The following MSH6 variants were observed in gnomAD, a reference collection of about 807,000 sequenced individuals.
The protein encoded by MSH6 is DNA mismatch repair protein Msh6.
A neutral mutation model predicts 119.1 loss-of-function variants in MSH6; 85 were observed. The ratio of observed to expected loss-of-function variants is 0.71; its 90% CI spans 0.60 to 0.85. MSH6 has a LOEUF of 0.85. MSH6 is among the 40% of genes least tolerant of loss of function. The pLI, the probability that MSH6 is intolerant of heterozygous loss-of-function variation, is 0.00. For missense variants in MSH6, 2,163 were observed against 1,655.3 expected, an observed-to-expected ratio of 1.31 and a Z score of -5.32; for synonymous variants, 830 against 586.9, an observed-to-expected ratio of 1.41 and a Z score of -5.99.
chr2:47,789,800 C>G (rs1668619185), intron 1 of MSH6, among the ~76,000 whole-genome samples: 1 of 152,004 alleles, frequency 6.6e-6, no homozygotes, highest in Admixed American at 6.6e-5. Context: ...ATTAGTTGTT[C>G]AGCTGTATTT....
chr2:47,806,493 G>T lies in MSH6; in HGVS notation c.3843G>T (p.Glu1281Asp), dbSNP rs864622384. 3 of 1,613,910 alleles carry T rather than the reference G, an allele frequency of 1.9e-6. No individual in the cohort carries two copies. In the African/African-American group the frequency reaches 4.0e-5, roughly 22 times the overall value. ...VENECEDPSQ[E>D]TITFLYKFIK... Reference sequence around the variant, plus strand: ...ATGAATGTGAAGACCCCAGCCAGGAGACTATTACGTTCCTCTATAAATTCA... The same window carrying T: ...ATGAATGTGAAGACCCCAGCCAGGATACTATTACGTTCCTCTATAAATTCA... Residue 1281 changes from glutamate (E) to aspartate (D), a missense_variant, in exon 9 of 10, where the codon GAG (glutamate) becomes GAT (aspartate). Transcript: ENST00000234420.
In MSH6 at chr2:47,793,318, CAAAAAAAAAAAAAAA is replaced by C. The variant is rs34250836; in HGVS notation, c.457+2210_457+2224del. 6.1e-3 allele frequency among the ~76,000 whole-genome samples: 297 copies of C among 48,836 alleles called. 2 individuals are homozygous for C. Among genetic ancestry groups the C allele is most frequent in the South Asian group, 0.025 (22 of 874 alleles). The allele number at this position is 48,836 out of a possible 152,430, so 32.0% of individuals were successfully genotyped here. ...CCTGGGTGACAGAGCGAGACTGTCTCAAAAAAAAAAAAAAAAAAAAAAAAAAAAAGGCTGGGCACG... is the reference window on the plus strand; with the variant it reads ...CCTGGGTGACAGAGCGAGACTGTCTCAAAAAAAAAAAAAAGGCTGGGCACG... On this transcript the variant is annotated intron_variant, in intron 2 of 9. Transcript: ENST00000234420.
intron 3 of MSH6, chr2:47,797,742 CA>C (rs1425297747): frequency 6.2e-6 from 1 of 161,236 alleles, no homozygotes; most frequent in Non-Finnish European, 1.4e-5. Context: ...GTGCTCGGTG[CA>C]GCACTTTGTG....
chr2:47,783,807 A>C, intron 1 of MSH6: 9 of 479,166 alleles, frequency 1.9e-5, no homozygotes, highest in Non-Finnish European at 2.4e-5. Context: ...GGAAGGGGCG[A>C]CGCGCGCAGC....
intron 1 of MSH6, among the ~76,000 whole-genome samples, chr2:47,786,915 T>C (rs746116854): frequency 1.5e-4 from 23 of 152,282 alleles, no homozygotes; most frequent in Non-Finnish European, 3.1e-4. Context: ...GGATTACAAG[T>C]GTGAGCCACC....
intron 6 of MSH6, 115 bp downstream of exon 6, chr2:47,805,142 T>A (rs1669896731): frequency 3.9e-6 from 3 of 770,780 alleles, no homozygotes; most frequent in Non-Finnish European, 6.8e-6. Context: ...CTGGTGTTAC[T>A]TTAAAAACAT....
chr2:47,806,122 T>G, intron 7 of MSH6, 82 bp from the exon 8 acceptor site: 1 of 1,382,384 alleles, frequency 7.2e-7, no homozygotes, highest in African/African-American at 1.4e-5. Flanking sequence ...ATGTTGCTTT[T>G]CTGTCCTAGC....
At chr2:47,792,549 C>A (rs1409531261) in intron 2 of MSH6, among the ~76,000 whole-genome samples, 1 of 152,038 alleles carries the variant, frequency 6.6e-6, no homozygotes, top group Non-Finnish European at 1.5e-5. Context: ...ACAGTTTTGC[C>A]ATGTTGCCCA....
Position 47,803,483 on chromosome 2 carries a change from TTC to T in MSH6, c.3238_3239del (p.Leu1080ValfsTer12), listed in dbSNP as rs863225406. On this transcript the variant is annotated frameshift_variant, in exon 5 of 10. Coordinates refer to ENST00000234420, the MANE Select transcript of MSH6 (RefSeq NM_000179.3). LOFTEE classifies it high-confidence loss of function. ...GATGGTCCTATGTGTCGCCCAGTAA[TTC>T]TGTTGCCGGAAGATACCCCCCCCTT... The T allele has an allele frequency of 2.5e-6, 4 of 1,614,166 alleles. No individual in the cohort carries two copies. The highest frequency in any genetic ancestry group is 3.4e-6 in the Non-Finnish European group (4 of 1,180,040).
At chr2:47,791,504 A>G (rs866011682) in intron 2 of MSH6, among the ~76,000 whole-genome samples, 6 of 152,082 alleles carry the variant, frequency 3.9e-5, no homozygotes, top group Non-Finnish European at 5.9e-5. Context: ...CTGGCCTTCA[A>G]ACTACTCACT....
intron 2 of MSH6, among the ~76,000 whole-genome samples, chr2:47,795,600 G>A (rs1669032249): frequency 6.6e-6 from 1 of 151,558 alleles, no homozygotes; most frequent in East Asian, 1.9e-4. Flanking sequence ...CAAGTAGCTG[G>A]GACTACAGGC....
chr2:47,805,177 CTCTCTCTT>C, intron 6 of MSH6, 150 bp downstream of exon 6: 1 of 629,340 alleles, frequency 1.6e-6, no homozygotes, highest in South Asian at 1.9e-5. Flanking sequence ...TGCATAGTCT[CTCTCTCTT>C]TTTTTTTTTT....
rs3136237 is a variant in MSH6 at position 47,783,952 on chromosome 2, G to C, written c.260+459G>C. 0.27 allele frequency: 278,043 copies of C among 1,027,922 alleles called. 40,626 individuals carry two copies. Among genetic ancestry groups the C allele is most frequent in the Non-Finnish European group, 0.3 (253,925 of 854,640 alleles). The allele number at this position is 1,027,922 out of a possible 1,614,324, so 63.7% of individuals were successfully genotyped here. ...GGAATGCCTGCGGGAGGCCGAACGG[G>C]GAGAGTCCGGTGGTGTGGGGTGCGA... On this transcript the variant is annotated intron_variant, in intron 1 of 9. Coordinates refer to ENST00000234420, the MANE Select transcript of MSH6 (RefSeq NM_000179.3).
At chr2:47,803,819 T>G in intron 5 of MSH6, 134 bp downstream of exon 5, 1 of 913,690 alleles carries the variant, frequency 1.1e-6, no homozygotes, top group Non-Finnish European at 1.7e-6. Context: ...GGGAAATTAC[T>G]CCCTGTGTTA....
chr2:47,800,605 C>T lies in MSH6; in HGVS notation c.2622C>T (p.Ile874=), dbSNP rs1200093419. The T allele has an allele frequency of 1.2e-6, 2 of 1,614,066 alleles. No individual in the cohort carries two copies. Among genetic ancestry groups the T allele is most frequent in the Non-Finnish European group, 1.7e-6 (2 of 1,179,986 alleles). ...GFKVMCKIIG[I]MEEVADGFKS... Reference sequence around the variant, plus strand: ...AAGTAATGTGTAAAATTATAGGGATCATGGAAGAAGTTGCTGATGGTTTTA... The same window carrying T: ...AAGTAATGTGTAAAATTATAGGGATTATGGAAGAAGTTGCTGATGGTTTTA... The change falls in exon 4 of 10, where the codon ATC becomes ATT. Residue 874 remains isoleucine, a synonymous_variant. Transcript: ENST00000234420.
intron 2 of MSH6, among the ~76,000 whole-genome samples, chr2:47,793,084 G>A (rs937218359): frequency 2.0e-5 from 3 of 151,662 alleles, no homozygotes; most frequent in African/African-American, 7.3e-5. Context: ...GCTTTGGAAG[G>A]CCAAGGCAGG....
rs1572722769 is a variant in MSH6 at position 47,799,363 on chromosome 2, C to G, written c.1380C>G (p.Gly460=). Reference sequence around the variant, plus strand: ...TGAAAGGCAACTGGGCCCATTCTGGCTTTCCTGAAATTGCATTTGGCCGTT... The same window carrying G: ...TGAAAGGCAACTGGGCCCATTCTGGGTTTCCTGAAATTGCATTTGGCCGTT... ...VFMKGNWAHS[G]FPEIAFGRYS... is the part of the protein sequence containing the mutation. Residue 460 remains glycine (G), a synonymous_variant, in exon 4 of 10, where the codon GGC becomes GGG. Transcript: ENST00000234420. 1 of 1,614,096 alleles carries G rather than the reference C, an allele frequency of 6.2e-7. No individual in the cohort carries two copies. The highest frequency in any genetic ancestry group is 1.1e-5 in the South Asian group (1 of 91,084).
Position 47,804,988 on chromosome 2 carries a change from G to A in MSH6, c.3517G>A (p.Val1173Met), listed in dbSNP as rs730881806. Reference sequence around the variant, plus strand: ...GTGCAGGCTCACACCAATTGATAGAGTGTTTACTAGACTTGGTGCCTCAGA... The same window carrying A: ...GTGCAGGCTCACACCAATTGATAGAATGTTTACTAGACTTGGTGCCTCAGA... ...EVCRLTPIDR[V>M]FTRLGASDRI... The change falls in exon 6 of 10, where the codon GTG becomes ATG. Residue 1173 changes from valine to methionine, a missense_variant. Coordinates refer to ENST00000234420, the MANE Select transcript of MSH6 (RefSeq NM_000179.3). The A allele has an allele frequency of 6.2e-6, 10 of 1,614,078 alleles. No individual in the cohort carries two copies. The East Asian group carries it at 6.7e-5, about 11-fold the overall frequency.
intron 1 of MSH6, among the ~76,000 whole-genome samples, chr2:47,788,570 C>CTTTTTTTTTTTTTTTTTT (rs531963943): frequency 1.9e-5 from 2 of 104,862 alleles, no homozygotes; most frequent in African/African-American, 7.2e-5. Context: ...TTTTCTTTTT[C>CTTTTTTTTTTTTTTTTTT]TTTTTTTTTT....
Sources: gnomAD v4.1 joint callset for allele counts (sites outside exome capture counted in the v4.1 genomes callset) on GRCh38, gnomAD v4.1.1 for gene constraint, MANE v1.5 for transcripts, NCBI Gene and HGNC (gene_info 2026-07-23, HGNC 2026-07-21) for gene names.